The following HDAC10 variants were observed in gnomAD, a reference collection of about 807,000 sequenced individuals.
HDAC10 encodes the protein polyamine deacetylase HDAC10.
Under a neutral mutation model 82.3 loss-of-function variants are expected in HDAC10, and 90 were observed. The observed-to-expected ratio is 1.09, with a 90% CI of 0.92 to 1.30. The LOEUF (loss-of-function observed/expected upper bound fraction) is 1.30, where lower values mean the gene tolerates loss of function less well. HDAC10 is among the 50% of genes most tolerant of loss of function. The pLI is 0.00. For synonymous variants in HDAC10, 456 were observed against 391.7 expected (o/e 1.16, Z -1.94); for missense variants, 934 against 876.3 (o/e 1.07, Z -0.83).
Position 50,248,070 on chromosome 22 carries a change from G to A in HDAC10, c.1157C>T (p.Pro386Leu). ...GRPPPLLPGG[P>L]VCKAAASAPS... ...TGCAGATGCAGCTGCCTTACACACT[G>A]GACCCCCAGGCAGCAGAGGTGGAGG... is the stretch of plus-strand genomic sequence containing the variant. Residue 386 changes from proline (P) to leucine (L), a missense_variant, in exon 13 of 20, where the codon CCA becomes CTA. Transcript: ENST00000216271. The surrounding 1 kb of genome is among the most constrained non-coding windows in gnomAD (Gnocchi z 5.4). 1 of 1,604,712 alleles carries A rather than the reference G, an allele frequency of 6.2e-7. No homozygotes were observed. Among genetic ancestry groups the A allele is most frequent in the Middle Eastern group, 1.7e-4 (1 of 6,024 alleles).
chr22:50,247,949 G>A lies in HDAC10; in HGVS notation c.1278C>T (p.Pro426=), dbSNP rs2064996587. 4 of 1,612,760 alleles carry A rather than the reference G, an allele frequency of 2.5e-6. No homozygotes were observed. Among genetic ancestry groups the A allele is most frequent in the Admixed American group, 1.7e-5 (1 of 59,984 alleles). The change falls in exon 13 of 20, where the codon CCC becomes CCT. Residue 426 remains proline (P), a synonymous_variant. Coordinates refer to ENST00000216271, the MANE Select transcript of HDAC10 (RefSeq NM_032019.6). ...LTTPDITLVL[P]PDVIQQEASA... The stretch of plus-strand genomic sequence containing the variant: ...ACGCTTCCTGTTGGATGACGTCAGG[G>A]GGCAGAACCAATGTGATATCCGGCG...
At chr22:50,247,801 A>G in intron 13 of HDAC10, 25 bp from the exon 14 acceptor site, 1 of 1,612,756 alleles carries the variant, frequency 6.2e-7, no homozygotes, top group Non-Finnish European at 8.5e-7. Context: ...CCAGAGGGAC[A>G]CACAGACACG....
rs200224305 is a variant in HDAC10 at position 50,247,943 on chromosome 22, G to A, written c.1284C>T (p.Asp428=). Reference sequence around the variant, plus strand: ...GGGCTGACGCTTCCTGTTGGATGACGTCAGGGGGCAGAACCAATGTGATAT... The same window carrying A: ...GGGCTGACGCTTCCTGTTGGATGACATCAGGGGGCAGAACCAATGTGATAT... ...TPDITLVLPP[D]VIQQEASALR... The change falls in exon 13 of 20, where the codon GAC becomes GAT. Residue 428 remains aspartate, a synonymous_variant. Coordinates refer to ENST00000216271, the MANE Select transcript of HDAC10 (RefSeq NM_032019.6). The A allele has an allele frequency of 6.7e-4, 1,087 of 1,612,850 alleles. 21 individuals are homozygous for A. In the South Asian group the frequency reaches 0.011, roughly 16 times the overall value.
Position 50,250,070 on chromosome 22 carries a change from G to A in HDAC10, c.382C>T (p.Leu128=), listed in dbSNP as rs2065049973. Residue 128 remains leucine (L), a synonymous_variant, in exon 4 of 20, where the codon CTG becomes TTG. Transcript: ENST00000216271. ...GGAAGGGGCAGCTCTCACCTCACCA[G>A]GGCAAGCCCATTTTGCACAGCTCCA... ...LTGAVQNGLA[L]VRPPGHHGQR... The A allele has an allele frequency of 6.2e-7, 1 of 1,612,700 alleles. No individual in the cohort carries two copies. Among genetic ancestry groups the A allele is most frequent in the Non-Finnish European group, 8.5e-7 (1 of 1,179,880 alleles).
Position 50,250,757 on chromosome 22 carries a change from G to A in HDAC10, c.194+14C>T, listed in dbSNP as rs1192242142. 2.5e-6 allele frequency: 4 copies of A among 1,570,118 alleles called. No homozygotes were observed. The South Asian group carries it at 3.5e-5, about 14-fold the overall frequency. On this transcript the variant is annotated intron_variant, in intron 2 of 19. Coordinates refer to ENST00000216271, the MANE Select transcript of HDAC10 (RefSeq NM_032019.6). ...CGCCCCGCCCCCCATCGTGGGGCCT[G>A]CCCCCGTCCTGACCTGTGCACCAGG...
chr22:50,246,758 G>T, intron 15 of HDAC10, 23 bp from the exon 16 acceptor site: 1 of 1,612,894 alleles, frequency 6.2e-7, no homozygotes, highest in South Asian at 1.1e-5. Flanking sequence ...CTGGCCTCAG[G>T]ACAGGTGTTC....
intron 15 of HDAC10, 60 bp from the exon 16 acceptor site, chr22:50,246,795 C>T (rs376098458): frequency 1.2e-6 from 2 of 1,603,416 alleles, no homozygotes; most frequent in South Asian, 1.1e-5. Context: ...ATTCCCAGAA[C>T]TCTCTGTGCT....
In HDAC10 at chr22:50,247,973, CGTT is replaced by C. The variant is rs1158214517; in HGVS notation, c.1251_1253del (p.Thr418del). 2.1e-5 allele frequency: 34 copies of C among 1,612,768 alleles called. No homozygotes were observed. Among genetic ancestry groups the C allele is most frequent in the Non-Finnish European group, 2.9e-5 (34 of 1,180,000 alleles). ...GGGGCAGAACCAATGTGATATCCGG[CGTT>C]GTCAGGGCAACAGCGGTGCGGACAG... On this transcript the variant is annotated inframe_deletion, in exon 13 of 20. Transcript: ENST00000216271.
Position 50,245,826 on chromosome 22 carries a change from T to A in HDAC10, c.1835A>T (p.Asn612Ile). ...GATCCCTGCTAGCTGGGGTGTGGAG[T>A]TCTGGACCAGGGGCGAAGACGGAAG... ...GGRVLALLEE[N>I]STPQLAGILA... Residue 612 changes from asparagine to isoleucine, a missense_variant and splice_region_variant, in exon 19 of 20, where the codon AAC (asparagine) becomes ATC (isoleucine). By Grantham distance (149) the Asn-to-Ile change is moderately radical. Coordinates refer to ENST00000216271, the MANE Select transcript of HDAC10 (RefSeq NM_032019.6). 1 of 1,569,528 alleles carries A rather than the reference T, an allele frequency of 6.4e-7. No individual in the cohort carries two copies. Among genetic ancestry groups the A allele is most frequent in the Non-Finnish European group, 8.6e-7 (1 of 1,157,348 alleles).
At position 50,245,336 on chromosome 22, in the gene HDAC10, G is replaced by A. The variant is rs2064913219; in HGVS notation, c.*171C>T. The stretch of plus-strand genomic sequence containing the variant: ...GGGCGGGGGCGAGGTGAGGTGAGGG[G>A]TGGAGCGGGGGAAGCACGGGTGGGA... On this transcript the variant is annotated 3_prime_UTR_variant, in exon 20 of 20. Transcript: ENST00000216271. 4.6e-6 allele frequency: 3 copies of A among 645,670 alleles called. No individual in the cohort carries two copies. Among genetic ancestry groups the A allele is most frequent in the Non-Finnish European group, 8.4e-6 (3 of 355,630 alleles). The allele number at this position is 645,670 out of a possible 1,614,324, so 40.0% of individuals were successfully genotyped here. A position where few individuals can be genotyped will look rare whatever the true frequency, so the allele number is the denominator to read the frequency against.
In HDAC10 at chr22:50,249,050, C is replaced by T; in HGVS notation, c.756+53G>A. ...CCTGCCTTCACTGGCGCACTCCAGG[C>T]ACAAGGTCCCCCTCCCACCCGGCTG... On this transcript the variant is annotated intron_variant, in intron 8 of 19. Transcript: ENST00000216271. This position sits in a 1 kb window ranked among gnomAD's most constrained non-coding sequence, Gnocchi z 4.4. The T allele has an allele frequency of 6.6e-7, 1 of 1,504,550 alleles. No homozygotes were observed. The highest frequency in any genetic ancestry group is 9.1e-7 in the Non-Finnish European group (1 of 1,101,762). The allele number at this position is 1,504,550 out of a possible 1,614,324, so 93.2% of individuals were successfully genotyped here.
chr22:50,248,137 C>T lies in HDAC10; in HGVS notation c.1090G>A (p.Ala364Thr), dbSNP rs541010302. The T allele has an allele frequency of 6.3e-6, 10 of 1,583,986 alleles. No homozygotes were observed. In the South Asian group the frequency reaches 6.9e-5, roughly 11 times the overall value. Reference sequence around the variant, plus strand: ...TGGCTGCTGGGGCTCATCGGCACAGCGGTCACATCTAGGGACAGTTCGGAG... The same window carrying T: ...TGGCTGCTGGGGCTCATCGGCACAGTGGTCACATCTAGGGACAGTTCGGAG... ...WKSLQQQDVT[A>T]VPMSPSSHSP... The change falls in exon 13 of 20, where the codon GCT becomes ACT. Residue 364 changes from alanine (A) to threonine (T), a missense_variant. By Grantham distance (58) the Ala-to-Thr change is moderately conservative. Transcript: ENST00000216271. This position sits in a 1 kb window ranked among gnomAD's most constrained non-coding sequence, Gnocchi z 5.4.
In HDAC10 at chr22:50,247,847, G is replaced by A. The variant is rs761110949; in HGVS notation, c.1337+43C>T. 18 of 1,612,664 alleles carry A rather than the reference G, an allele frequency of 1.1e-5. No homozygotes were observed. The East Asian group carries it at 1.6e-4, about 14-fold the overall frequency. On this transcript the variant is annotated intron_variant, in intron 13 of 19. Coordinates refer to ENST00000216271, the MANE Select transcript of HDAC10 (RefSeq NM_032019.6). ...AGGTCAGGCACACACAGGCACAGGT[G>A]TAGATGCGGCCCCATCCTTCTCCCC...
At chr22:50,246,765 G>A (rs754635217) in intron 15 of HDAC10, 30 bp from the exon 16 acceptor site, 7 of 1,611,964 alleles carry the variant, frequency 4.3e-6, no homozygotes, top group Non-Finnish European at 5.9e-6. Flanking sequence ...CAGGACAGGT[G>A]TTCATGTTGT....
chr22:50,248,688 C>T lies in HDAC10; in HGVS notation c.880G>A (p.Gly294Ser), dbSNP rs202169873. Residue 294 changes from glycine (G) to serine (S), a missense_variant, in exon 10 of 20, where the codon GGC (glycine) becomes AGC (serine). By Grantham distance (56) the Gly-to-Ser change is moderately conservative (BLOSUM62 0). Coordinates refer to ENST00000216271, the MANE Select transcript of HDAC10 (RefSeq NM_032019.6). The surrounding 1 kb of genome is among the most constrained non-coding windows in gnomAD (Gnocchi z 5.4). ...TCCAGCACGGCACAGACCCGGCCGCCGGCCAGCACCTGCAGCAGCTGTGTG... is the reference window on the plus strand; with the variant it reads ...TCCAGCACGGCACAGACCCGGCCGCTGGCCAGCACCTGCAGCAGCTGTGTG... ...HLTQLLQVLA[G>S]GRVCAVLEGG... 45 of 1,534,176 alleles carry T rather than the reference C, an allele frequency of 2.9e-5. No individual in the cohort carries two copies. In the Admixed American group the frequency reaches 3.1e-4, roughly 11 times the overall value.
In HDAC10 at chr22:50,249,131, A is replaced by G; in HGVS notation, c.728T>C (p.Leu243Pro). 6.2e-7 allele frequency: 1 copy of G among 1,602,530 alleles called. No homozygotes were observed. Among genetic ancestry groups the G allele is most frequent in the South Asian group, 1.1e-5 (1 of 89,016 alleles). ...MGNADYVAAF[L>P]HLLLPLAFEF... ...AAAGGCCAGTGGGAGCAGCAGGTGC[A>G]GGAAGGCAGCCACGTAGTCAGCGTT... The change falls in exon 8 of 20, where the codon CTG becomes CCG. Residue 243 changes from leucine (L) to proline (P), a missense_variant. Coordinates refer to ENST00000216271, the MANE Select transcript of HDAC10 (RefSeq NM_032019.6). The surrounding 1 kb of genome is among the most constrained non-coding windows in gnomAD (Gnocchi z 4.4).
rs143703422 is a variant in HDAC10 at position 50,246,640 on chromosome 22, C to T, written c.1571+39G>A. On this transcript the variant is annotated intron_variant, in intron 16 of 19. Coordinates refer to ENST00000216271, the MANE Select transcript of HDAC10 (RefSeq NM_032019.6). ...CACACGTCCATCACATGCCCGTCCA[C>T]ATGCATGGCTGGACATATGCAAGAC... is the stretch of plus-strand genomic sequence containing the variant. 1,497 of 1,591,350 alleles carry T rather than the reference C, an allele frequency of 9.4e-4. 11 individuals carry two copies. The African/African-American group carries it at 0.018, about 19-fold the overall frequency.
chr22:50,250,732 C>T (rs555070837), intron 2 of HDAC10, 39 bp downstream of exon 2: 13 of 1,521,434 alleles, frequency 8.5e-6, no homozygotes, highest in African/African-American at 8.3e-5. Flanking sequence ...CTGGGCTGCC[C>T]GCCCCGCCCC....
In HDAC10 at chr22:50,247,747, G is replaced by A; in HGVS notation, c.1367C>T (p.Ala456Val). Reference sequence around the variant, plus strand: ...CAGGAGCTTCCCAAGTGCAGTGAGGGCCTCCTCCCGGGCCAGGGACTCGTG... The same window carrying A: ...CAGGAGCTTCCCAAGTGCAGTGAGGACCTCCTCCCGGGCCAGGGACTCGTG... ...RPHESLAREE[A>V]LTALGKLLYL... The change falls in exon 14 of 20, where the codon GCC becomes GTC. Residue 456 changes from alanine to valine, a missense_variant. Coordinates refer to ENST00000216271, the MANE Select transcript of HDAC10 (RefSeq NM_032019.6). 2 of 1,605,380 alleles carry A rather than the reference G, an allele frequency of 1.2e-6. No homozygotes were observed. Among genetic ancestry groups the A allele is most frequent in the Non-Finnish European group, 1.7e-6 (2 of 1,173,778 alleles).
Sources: gnomAD v4.1 joint callset for allele counts on GRCh38, gnomAD v4.1.1 for gene constraint, Gnocchi (gnomAD v3.1) non-coding constraint, MANE v1.5 for transcripts, NCBI Gene and HGNC (gene_info 2026-07-23, HGNC 2026-07-21) for gene names.